Variants in LDB2 observed in about 807,000 individuals in gnomAD.
The protein encoded by LDB2 is LIM domain binding 2.
Under a neutral mutation model 44.3 loss-of-function variants are expected in LDB2, and 12 were observed. The ratio of observed to expected loss-of-function variants is 0.27; its 90% CI spans 0.17 to 0.44. The LOEUF (loss-of-function observed/expected upper bound fraction) is 0.44, where lower values mean the gene tolerates loss of function less well. LDB2 is among the 20% of genes least tolerant of loss of function. The probability of loss-of-function intolerance (pLI) is 1.00; values close to 1 mark genes in which losing one functional copy is unlikely to be tolerated. For missense variants in LDB2, 344 were observed against 473.5 expected, an observed-to-expected ratio of 0.73 and a Z score of 2.54; for synonymous variants, 164 against 174.8, an observed-to-expected ratio of 0.94 and a Z score of 0.49.
chr4:16,618,867 T>C (rs908789437), intron 2 of LDB2, among the ~76,000 whole-genome samples: 9 of 152,190 alleles, frequency 5.9e-5, no homozygotes, highest in African/African-American at 1.4e-4. Flanking sequence ...GTTCTCATGA[T>C]AGTCAGTTCT....
intron 1 of LDB2, among the ~76,000 whole-genome samples, chr4:16,785,799 T>G (rs891256844): frequency 2.0e-5 from 3 of 152,134 alleles, no homozygotes; most frequent in Non-Finnish European, 2.9e-5. Context: ...TCTCTACCAC[T>G]TCTCAAGAAA....
intron 1 of LDB2, among the ~76,000 whole-genome samples, chr4:16,787,654 C>T (rs1774756427): frequency 6.6e-6 from 1 of 152,066 alleles, no homozygotes; most frequent in Non-Finnish European, 1.5e-5. Context: ...GAACTATAAG[C>T]AAAACATAGG....
intron 2 of LDB2, among the ~76,000 whole-genome samples, chr4:16,727,774 T>A (rs1759840669): frequency 6.6e-6 from 1 of 152,248 alleles, no homozygotes; most frequent in Non-Finnish European, 1.5e-5. Flanking sequence ...GATTAAGTCT[T>A]CATTTTTCAT....
At chr4:16,556,015 T>C (rs1739444939) in intron 5 of LDB2, among the ~76,000 whole-genome samples, 1 of 152,174 alleles carries the variant, frequency 6.6e-6, no homozygotes, top group African/African-American at 2.4e-5. Context: ...GAGTATTATG[T>C]TCTTCCCCTG....
chr4:16,666,963 T>C (rs2152549748), intron 2 of LDB2, among the ~76,000 whole-genome samples: 1 of 152,174 alleles, frequency 6.6e-6, no homozygotes, highest in East Asian at 1.9e-4. Context: ...AATGGAAAGG[T>C]GAGGGTATGC....
intron 5 of LDB2, among the ~76,000 whole-genome samples, chr4:16,516,878 G>A (rs1300948729): frequency 6.6e-6 from 1 of 152,188 alleles, no homozygotes; most frequent in Non-Finnish European, 1.5e-5. Flanking sequence ...TTCTTCCAGT[G>A]GAGAGTCCGG....
chr4:16,690,732 T>C (rs994016914), intron 2 of LDB2, among the ~76,000 whole-genome samples: 1 of 152,130 alleles, frequency 6.6e-6, no homozygotes, highest in South Asian at 2.1e-4. Flanking sequence ...TAAGTTTGAT[T>C]AGAACTTCTA....
At chr4:16,868,832 G>T (rs535383475) in intron 1 of LDB2, among the ~76,000 whole-genome samples, 2 of 152,114 alleles carry the variant, frequency 1.3e-5, no homozygotes, top group Non-Finnish European at 2.9e-5. Flanking sequence ...CATGGTGTTG[G>T]TAATGATGTT....
At chr4:16,574,945 A>T (rs1747802053) in intron 5 of LDB2, among the ~76,000 whole-genome samples, 1 of 152,156 alleles carries the variant, frequency 6.6e-6, no homozygotes, top group Admixed American at 6.5e-5. Flanking sequence ...TGACTCCAAA[A>T]CACATTTATT....
intron 2 of LDB2, among the ~76,000 whole-genome samples, chr4:16,707,895 C>A (rs989992438): frequency 2.0e-5 from 3 of 152,138 alleles, no homozygotes; most frequent in Admixed American, 1.3e-4. Flanking sequence ...GAGGCCCATG[C>A]GACTCACAGC....
chr4:16,814,570 C>T (rs1447915674), intron 1 of LDB2, among the ~76,000 whole-genome samples: 2 of 152,164 alleles, frequency 1.3e-5, no homozygotes, highest in Non-Finnish European at 2.9e-5. Context: ...TGTTCTGGCT[C>T]AAGTTAACAG....
At chr4:16,597,409 T>C (rs1024580777) in intron 2 of LDB2, among the ~76,000 whole-genome samples, 2 of 152,178 alleles carry the variant, frequency 1.3e-5, no homozygotes, top group Admixed American at 6.5e-5. Flanking sequence ...TTTCTAAATA[T>C]AAAATTCAAA....
At chr4:16,602,873 A>G (rs1722937649) in intron 2 of LDB2, among the ~76,000 whole-genome samples, 2 of 152,172 alleles carry the variant, frequency 1.3e-5, no homozygotes, top group African/African-American at 4.8e-5. Context: ...GGCATGCAAG[A>G]TGTGTGTCAT....
At chr4:16,655,498 C>T (rs970481764) in intron 2 of LDB2, among the ~76,000 whole-genome samples, 2 of 152,164 alleles carry the variant, frequency 1.3e-5, no homozygotes, top group African/African-American at 4.8e-5. Flanking sequence ...ATCACAAACA[C>T]ATTAATAACC....
intron 2 of LDB2, among the ~76,000 whole-genome samples, chr4:16,661,509 C>A (rs901788829): frequency 2.0e-5 from 3 of 152,172 alleles, no homozygotes; most frequent in African/African-American, 7.2e-5. Flanking sequence ...GGGGATGATA[C>A]AATTACCTAC....
intron 1 of LDB2, among the ~76,000 whole-genome samples, chr4:16,790,979 C>T (rs1216425620): frequency 6.6e-6 from 1 of 152,188 alleles, no homozygotes; most frequent in African/African-American, 2.4e-5. Flanking sequence ...TCTTCACACC[C>T]TTTTTGCTCA....
At chr4:16,741,519 G>A (rs1763237962) in intron 2 of LDB2, 1 of 152,208 alleles carries the variant, frequency 6.6e-6, no homozygotes, top group Non-Finnish European at 1.5e-5. Context: ...AATGAGGTGG[G>A]CTGTGATGCA....
chr4:16,835,583 G>A lies in LDB2; in HGVS notation c.132+62771C>T, dbSNP rs139093258. 5.9e-5 allele frequency among the ~76,000 whole-genome samples: 9 copies of A among 152,328 alleles called. No homozygotes were observed. In the East Asian group the frequency reaches 1.7e-3, roughly 29 times the overall value. On this transcript the variant is annotated intron_variant, in intron 1 of 7. Coordinates refer to ENST00000304523, the MANE Select transcript of LDB2 (RefSeq NM_001290.5). ...TAAATATTTTTGTATAAGTGTCCCTGTAGATATAAGTTTTAATTTCCCCTA... is the reference window on the plus strand; with the variant it reads ...TAAATATTTTTGTATAAGTGTCCCTATAGATATAAGTTTTAATTTCCCCTA...
Position 16,774,681 on chromosome 4 carries a change from G to T in LDB2, c.133-15421C>A, listed in dbSNP as rs537169208. On this transcript the variant is annotated intron_variant, in intron 1 of 7. Coordinates refer to ENST00000304523, the MANE Select transcript of LDB2 (RefSeq NM_001290.5). ...TAATTTTCTCAGAGTCACACAGCTGGTACAGTTTGGAGTCAGTGATCAAAG... is the reference window on the plus strand; with the variant it reads ...TAATTTTCTCAGAGTCACACAGCTGTTACAGTTTGGAGTCAGTGATCAAAG... 4.5e-4 allele frequency among the ~76,000 whole-genome samples: 68 copies of T among 152,214 alleles called. 2 individuals are homozygous for T. The highest frequency in any genetic ancestry group is 2.6e-3 in the Admixed American group (40 of 15,286).
Sources: allele counts gnomAD v4.1 joint callset (sites outside exome capture counted in the v4.1 genomes callset), GRCh38; gene constraint gnomAD v4.1.1; transcripts MANE v1.5; gene names NCBI Gene and HGNC (gene_info 2026-07-23, HGNC 2026-07-21).